Variants in VPS33B observed in about 807,000 individuals in gnomAD.
VPS33B encodes vacuolar protein sorting-associated protein 33B.
Under a neutral mutation model 95.3 loss-of-function variants are expected in VPS33B, and 80 were observed. That is an observed-to-expected ratio of 0.84 (90% confidence interval 0.70 to 1.01). VPS33B has a LOEUF of 1.01. Ranked by LOEUF, VPS33B falls within the 50% of genes least tolerant of loss-of-function variation. The pLI is 0.00. For synonymous variants in VPS33B, 280 were observed against 280.4 expected (o/e 1.00, Z 0.01); for missense variants, 715 against 773.4 (o/e 0.92, Z 0.90).
At position 90,999,827 on chromosome 15, in the gene VPS33B, G is replaced by T; in HGVS notation, c.1658-34C>A. ...ATCAGACCAGATTCAGCCCTTCCCT[G>T]ACATGCTAGTCCTGAGTGGTGCATC... On this transcript the variant is annotated intron_variant, in intron 21 of 22. Transcript: ENST00000333371. The surrounding 1 kb of genome is among the most constrained non-coding windows in gnomAD (Gnocchi z 5.1). The T allele has an allele frequency of 6.2e-7, 1 of 1,613,916 alleles. No individual in the cohort carries two copies. The highest frequency in any genetic ancestry group is 8.5e-7 in the Non-Finnish European group (1 of 1,179,896).
rs1047972160 is a variant in VPS33B at position 91,018,806 on chromosome 15, G to A, written c.97-921C>T. 3.3e-5 allele frequency among the ~76,000 whole-genome samples: 5 copies of A among 151,998 alleles called. No individual in the cohort carries two copies. Among genetic ancestry groups the A allele is most frequent in the Non-Finnish European group, 7.4e-5 (5 of 67,960 alleles). The stretch of plus-strand genomic sequence containing the variant: ...AAATCTTTTTTTTTAAATCTTATTT[G>A]TTGTTTTGTTTTGTTTGTTTGTTTT... On this transcript the variant is annotated intron_variant, in intron 1 of 22. Coordinates refer to ENST00000333371, the MANE Select transcript of VPS33B (RefSeq NM_018668.5). The surrounding 1 kb of genome is among the most constrained non-coding windows in gnomAD (Gnocchi z 4.7).
chr15:91,004,196 C>A (rs2040527175), intron 16 of VPS33B, among the ~76,000 whole-genome samples: 2 of 146,262 alleles, frequency 1.4e-5, no homozygotes, highest in Non-Finnish European at 1.5e-5. Flanking sequence ...GCACTCCAGC[C>A]TAGGCAACAG....
intron 2 of VPS33B, among the ~76,000 whole-genome samples, chr15:91,017,367 AATATATATAT>A (rs1159663715): frequency 0.034 from 531 of 15,792 alleles, 15 homozygotes; most frequent in Non-Finnish European, 0.05. Context: ...TACAAAATTA[AATATATATAT>A]ATATATATAT....
In VPS33B at chr15:90,999,262, G is replaced by C. The variant is rs1479345738; in HGVS notation, c.1775-208C>G. The C allele has an allele frequency of 1.6e-6, 1 of 628,952 alleles. No individual in the cohort carries two copies. Among genetic ancestry groups the C allele is most frequent in the African/African-American group, 1.8e-5 (1 of 54,594 alleles). The allele number at this position is 628,952 out of a possible 1,614,324, so 39.0% of individuals were successfully genotyped here. Reference sequence around the variant, plus strand: ...TGTGGCAGCCCAGAGTTAAGGCTATGGCAAGTTGTATTCTGAGGCCAGGAG... The same window carrying C: ...TGTGGCAGCCCAGAGTTAAGGCTATCGCAAGTTGTATTCTGAGGCCAGGAG... On this transcript the variant is annotated intron_variant, in intron 22 of 22. Coordinates refer to ENST00000333371, the MANE Select transcript of VPS33B (RefSeq NM_018668.5). The surrounding 1 kb of genome is among the most constrained non-coding windows in gnomAD (Gnocchi z 5.1).
chr15:91,007,742 C>G lies in VPS33B; in HGVS notation c.498+128G>C. On this transcript the variant is annotated intron_variant, in intron 7 of 22. Transcript: ENST00000333371. The surrounding 1 kb of genome is among the most constrained non-coding windows in gnomAD (Gnocchi z 5.3). Reference sequence around the variant, plus strand: ...CAGAGACCAATCTGTAGCACTCAATCACCACATCACTATCACTTGTGATAA... The same window carrying G: ...CAGAGACCAATCTGTAGCACTCAATGACCACATCACTATCACTTGTGATAA... The G allele has an allele frequency of 8.6e-7, 1 of 1,160,558 alleles. No homozygotes were observed. The allele number at this position is 1,160,558 out of a possible 1,614,324, so 71.9% of individuals were successfully genotyped here.
rs560285975 is a variant in VPS33B, at chr15:91,012,478, C to T, written c.357+1326G>A. ...GAGCAGCTCAGTACCTAACCCAAGACCACACAGGTAATAAGGCCTCAAGGG... is the reference window on the plus strand; with the variant it reads ...GAGCAGCTCAGTACCTAACCCAAGATCACACAGGTAATAAGGCCTCAAGGG... On this transcript the variant is annotated intron_variant, in intron 5 of 22. Transcript: ENST00000333371. Among the ~76,000 whole-genome samples, 109 of 152,286 alleles carry T rather than the reference C, an allele frequency of 7.2e-4. 1 individual carries two copies. The highest frequency in any genetic ancestry group is 2.9e-3 in the South Asian group (14 of 4,814).
intron 4 of VPS33B, among the ~76,000 whole-genome samples, chr15:91,014,127 G>A (rs1328823123): frequency 2.0e-5 from 3 of 149,674 alleles, no homozygotes; most frequent in Non-Finnish European, 4.4e-5. Context: ...GCTAAGGCAA[G>A]AGAATCGCTT....
chr15:91,018,013 G>T lies in VPS33B; in HGVS notation c.97-128C>A. On this transcript the variant is annotated intron_variant, in intron 1 of 22. Coordinates refer to ENST00000333371, the MANE Select transcript of VPS33B (RefSeq NM_018668.5). The surrounding 1 kb of genome is among the most constrained non-coding windows in gnomAD (Gnocchi z 4.7). ...GAGGGCACTAAGTATCGTCTAGCCC[G>T]TCACCTTATTTATTATCTGTATCCA... The T allele has an allele frequency of 1.2e-6, 1 of 801,212 alleles. No homozygotes were observed. Among genetic ancestry groups the T allele is most frequent in the South Asian group, 1.4e-5 (1 of 70,946 alleles). 49.6% of individuals were successfully genotyped at this position (801,212 alleles called of 1,614,324 possible).
chr15:91,012,104 C>T (rs1253600098), intron 5 of VPS33B, among the ~76,000 whole-genome samples: 4 of 151,460 alleles, frequency 2.6e-5, no homozygotes, highest in Non-Finnish European at 5.9e-5. Context: ...AGTCCAAGAA[C>T]TAGAAATTAT....
rs571453963 is a variant in VPS33B, at chr15:91,000,049, G to C, written c.1582-74C>G. 4.5e-3 allele frequency: 7,100 copies of C among 1,574,396 alleles called. 23 individuals carry two copies. Among genetic ancestry groups the C allele is most frequent in the Non-Finnish European group, 5.3e-3 (6,090 of 1,150,914 alleles). On this transcript the variant is annotated intron_variant, in intron 20 of 22. Coordinates refer to ENST00000333371, the MANE Select transcript of VPS33B (RefSeq NM_018668.5). This position sits in a 1 kb window ranked among gnomAD's most constrained non-coding sequence, Gnocchi z 4.9. ...TAGGAAAGGAAGGGCACAGCAGCCAGACTGTCACATTTCTTGCTCATTACT... is the reference window on the plus strand; with the variant it reads ...TAGGAAAGGAAGGGCACAGCAGCCACACTGTCACATTTCTTGCTCATTACT...
chr15:91,008,761 A>C (rs1292090376), intron 6 of VPS33B, among the ~76,000 whole-genome samples: 1 of 152,172 alleles, frequency 6.6e-6, no homozygotes, highest in East Asian at 1.9e-4. Context: ...GTCAAACAGC[A>C]AGCTGTGAGC....
Position 91,005,006 on chromosome 15 carries a change from C to G in VPS33B, c.1170+49G>C. On this transcript the variant is annotated intron_variant, in intron 15 of 22. Coordinates refer to ENST00000333371, the MANE Select transcript of VPS33B (RefSeq NM_018668.5). This position sits in a 1 kb window ranked among gnomAD's most constrained non-coding sequence, Gnocchi z 6.4. Reference sequence around the variant, plus strand: ...TCTTTTCCTTCTGCTTAAGGCCGACCCCACCTCTAAATGCCATTCTTGGCA... The same window carrying G: ...TCTTTTCCTTCTGCTTAAGGCCGACGCCACCTCTAAATGCCATTCTTGGCA... 1 of 1,614,192 alleles carries G rather than the reference C, an allele frequency of 6.2e-7. No homozygotes were observed. Among genetic ancestry groups the G allele is most frequent in the Non-Finnish European group, 8.5e-7 (1 of 1,180,040 alleles).
chr15:91,005,150 G>A lies in VPS33B; in HGVS notation c.1106-31C>T. On this transcript the variant is annotated intron_variant, in intron 14 of 22. Transcript: ENST00000333371. The surrounding 1 kb of genome is among the most constrained non-coding windows in gnomAD (Gnocchi z 6.4). ...AGTAATCAGAGGAGAGCCTGTTACT[G>A]GGGGCCAGCTCAGCTGCTGCCATCT... The A allele has an allele frequency of 6.2e-7, 1 of 1,614,032 alleles. No homozygotes were observed. Among genetic ancestry groups the A allele is most frequent in the Non-Finnish European group, 8.5e-7 (1 of 1,180,028 alleles).
At chr15:91,014,303 A>G in intron 4 of VPS33B, 81 bp downstream of exon 4, 1 of 1,387,874 alleles carries the variant, frequency 7.2e-7, no homozygotes. Flanking sequence ...TTATTTTCTT[A>G]TTAGAGGGTC....
Position 91,001,992 on chromosome 15 carries a change from G to A in VPS33B, c.1405+58C>T, listed in dbSNP as rs1006327868. On this transcript the variant is annotated intron_variant, in intron 18 of 22. Transcript: ENST00000333371. Reference sequence around the variant, plus strand: ...CATTCTGTCCCTCCCAGCATGCTGCGTGTTGAGAGAAGTCAGGACAACAGC... The same window carrying A: ...CATTCTGTCCCTCCCAGCATGCTGCATGTTGAGAGAAGTCAGGACAACAGC... 32 of 1,611,692 alleles carry A rather than the reference G, an allele frequency of 2.0e-5. No homozygotes were observed. The Admixed American group carries it at 2.0e-4, about 10-fold the overall frequency.
chr15:91,021,471 T>C (rs1225422524), intron 1 of VPS33B, among the ~76,000 whole-genome samples: 1 of 152,260 alleles, frequency 6.6e-6, no homozygotes, highest in Non-Finnish European at 1.5e-5. Flanking sequence ...TTATTTCTTG[T>C]CTGATCTACG....
rs956848870 is a variant in VPS33B, at chr15:91,006,270, C to A, written c.852+102G>T. Reference sequence around the variant, plus strand: ...CCTCTCTCCCATAGACTCAGCCTCCCCTCTCAGAGCTGGGGCCCACAGCCT... The same window carrying A: ...CCTCTCTCCCATAGACTCAGCCTCCACTCTCAGAGCTGGGGCCCACAGCCT... On this transcript the variant is annotated intron_variant, in intron 11 of 22. Transcript: ENST00000333371. The surrounding 1 kb of genome is among the most constrained non-coding windows in gnomAD (Gnocchi z 5.4). 27 of 1,533,758 alleles carry A rather than the reference C, an allele frequency of 1.8e-5. No individual in the cohort carries two copies. The highest frequency in any genetic ancestry group is 2.4e-5 in the Non-Finnish European group (27 of 1,108,702).
chr15:91,018,140 C>A lies in VPS33B; in HGVS notation c.97-255G>T. The A allele has an allele frequency of 2.1e-6, 1 of 486,006 alleles. No individual in the cohort carries two copies. Among genetic ancestry groups the A allele is most frequent in the Non-Finnish European group, 3.8e-6 (1 of 262,404 alleles). The allele number at this position is 486,006 out of a possible 1,614,324, so 30.1% of individuals were successfully genotyped here. ...TCTTTCTCAGGTTAACTCCTTGTCACTCAACCCTTCTGCTCACCTGTGACC... is the reference window on the plus strand; with the variant it reads ...TCTTTCTCAGGTTAACTCCTTGTCAATCAACCCTTCTGCTCACCTGTGACC... On this transcript the variant is annotated intron_variant, in intron 1 of 22. Coordinates refer to ENST00000333371, the MANE Select transcript of VPS33B (RefSeq NM_018668.5). This position sits in a 1 kb window ranked among gnomAD's most constrained non-coding sequence, Gnocchi z 4.7.
intron 2 of VPS33B, 43 bp downstream of exon 2, chr15:91,017,762 C>T (rs763580317): frequency 2.5e-6 from 4 of 1,591,024 alleles, no homozygotes; most frequent in Non-Finnish European, 3.5e-6. Context: ...AAAAGAAAAA[C>T]TGCTTAAAGA....
Sources: gnomAD v4.1 joint callset for allele counts (sites outside exome capture counted in the v4.1 genomes callset) on GRCh38, gnomAD v4.1.1 for gene constraint, Gnocchi (gnomAD v3.1) non-coding constraint, MANE v1.5 for transcripts, NCBI Gene and HGNC (gene_info 2026-07-23, HGNC 2026-07-21) for gene names.